The following LRRC4C variants were observed in gnomAD, a reference collection of about 807,000 sequenced individuals.
The protein encoded by LRRC4C is leucine rich repeat containing 4C.
Under a neutral mutation model 33.6 loss-of-function variants are expected in LRRC4C, and 5 were observed. The observed-to-expected ratio is 0.15, with a 90% confidence interval of 0.08 to 0.31. The LOEUF is 0.31. LRRC4C is among the 10% of genes least tolerant of loss of function. The pLI is 1.00. For missense variants in LRRC4C, 560 were observed against 796.7 expected (o/e 0.70, Z 3.58); for synonymous variants, 329 against 302.0 (o/e 1.09, Z -0.93).
chr11:40,658,241 A>AC (rs1943236491), intron 2 of LRRC4C, among the ~76,000 whole-genome samples: 1 of 152,178 alleles, frequency 6.6e-6, no homozygotes, highest in South Asian at 2.1e-4. Flanking sequence ...AATTTAGAAC[A>AC]CCTGCCCTTG....
chr11:41,043,000 GT>G (rs57509349), intron 1 of LRRC4C, among the ~76,000 whole-genome samples: 12,748 of 58,280 alleles, frequency 0.22, 622 homozygotes, highest in Non-Finnish European at 0.26. Flanking sequence ...CACCTGTTTT[GT>G]TTTTTTTTTT....
intron 1 of LRRC4C, among the ~76,000 whole-genome samples, chr11:40,952,880 ACACACACACACACACACTCTCT>A (rs1331294074): frequency 1.6e-4 from 18 of 110,956 alleles, no homozygotes; most frequent in Admixed American, 4.8e-4. Flanking sequence ...ACACACACAC[ACACACACACACACACACTCTCT>A]CTCTCTCTCT....
intron 2 of LRRC4C, among the ~76,000 whole-genome samples, chr11:40,774,061 T>C (rs1949874921): frequency 6.6e-6 from 1 of 152,140 alleles, no homozygotes; most frequent in Non-Finnish European, 1.5e-5. Context: ...TTGTGTCAAT[T>C]GATCCATGGG....
At chr11:41,356,852 CA>C (rs2137627626) in intron 1 of LRRC4C, among the ~76,000 whole-genome samples, 1 of 152,090 alleles carries the variant, frequency 6.6e-6, no homozygotes, top group African/African-American at 2.4e-5. Context: ...AGTGTTATGC[CA>C]TTAGAATGAT....
rs545412578 is a variant in LRRC4C, at chr11:41,022,228, T to C, written c.-495-88505A>G. Among the ~76,000 whole-genome samples, 4 of 150,670 alleles carry C rather than the reference T, an allele frequency of 2.7e-5. No individual in the cohort carries two copies. The East Asian group carries it at 5.8e-4, about 22-fold the overall frequency. ...TACAGAACATATAAGTGTATATATA[T>C]GATCAGAACATGTAGAAGGAAACTA... On this transcript the variant is annotated intron_variant, in intron 1 of 6. Coordinates refer to ENST00000528697, the MANE Select transcript of LRRC4C (RefSeq NM_001258419.2).
At chr11:40,205,909 G>A (rs560920149) in intron 5 of LRRC4C, among the ~76,000 whole-genome samples, 21 of 152,256 alleles carry the variant, frequency 1.4e-4, no homozygotes, top group Middle Eastern at 3.4e-3. Flanking sequence ...TATTACTTGA[G>A]CAATCTCTGT....
At chr11:40,833,443 T>G (rs574694498) in intron 2 of LRRC4C, among the ~76,000 whole-genome samples, 1 of 152,144 alleles carries the variant, frequency 6.6e-6, no homozygotes, top group Non-Finnish European at 1.5e-5. Flanking sequence ...TATTGTCATT[T>G]TGAGTTGAAA....
At chr11:41,003,812 A>T (rs918268993) in intron 1 of LRRC4C, among the ~76,000 whole-genome samples, 7 of 151,994 alleles carry the variant, frequency 4.6e-5, no homozygotes, top group Non-Finnish European at 8.8e-5. Flanking sequence ...AAGACCAAGC[A>T]GGTCTGCCTG....
intron 3 of LRRC4C, among the ~76,000 whole-genome samples, chr11:40,584,206 G>T (rs1284558364): frequency 2.8e-4 from 12 of 42,846 alleles, no homozygotes; most frequent in East Asian, 3.2e-3. Flanking sequence ...ATATATATAT[G>T]AACTCTTTGT....
chr11:40,819,841 A>T (rs1467012113), intron 2 of LRRC4C, among the ~76,000 whole-genome samples: 1 of 152,068 alleles, frequency 6.6e-6, no homozygotes, highest in Non-Finnish European at 1.5e-5. Flanking sequence ...TTATTAACGT[A>T]CTCAAGATAC....
chr11:40,933,522 C>T (rs1358178487), intron 2 of LRRC4C, 113 bp downstream of exon 2: 3 of 152,222 alleles, frequency 2.0e-5, no homozygotes, highest in African/African-American at 7.2e-5. Flanking sequence ...GCTTATTTGG[C>T]CACTCTCTCA....
At chr11:40,718,769 A>G (rs964171966) in intron 2 of LRRC4C, among the ~76,000 whole-genome samples, 3 of 152,226 alleles carry the variant, frequency 2.0e-5, no homozygotes, top group African/African-American at 4.8e-5. Flanking sequence ...TGTAGGTATT[A>G]GTCAACATGG....
intron 1 of LRRC4C, among the ~76,000 whole-genome samples, chr11:41,390,361 TGC>T (rs1287596490): frequency 3.3e-5 from 5 of 151,970 alleles, no homozygotes; most frequent in Admixed American, 1.3e-4. Flanking sequence ...TGTGCCAGTG[TGC>T]CAATGTGAGA....
chr11:41,274,292 C>T (rs1949410860), intron 1 of LRRC4C, among the ~76,000 whole-genome samples: 1 of 152,022 alleles, frequency 6.6e-6, no homozygotes, highest in African/African-American at 2.4e-5. Flanking sequence ...ACTGACTAAC[C>T]TTTTAGAAGG....
chr11:40,116,221 G>T lies in LRRC4C; in HGVS notation c.72C>A (p.Asp24Glu). The T allele has an allele frequency of 6.2e-7, 1 of 1,614,064 alleles. No individual in the cohort carries two copies. The highest frequency in any genetic ancestry group is 8.5e-7 in the Non-Finnish European group (1 of 1,180,014). Reference sequence around the variant, plus strand: ...GAGCCAGCAGCACCACAAGCAGGGGGTCAAATAGGGCCCTGTTAAACCTAG... The same window carrying T: ...GAGCCAGCAGCACCACAAGCAGGGGTTCAAATAGGGCCCTGTTAAACCTAG... ...IGPRFNRALF[D>E]PLLVVLLALQ... Residue 24 changes from aspartate to glutamate, a missense_variant, in exon 7 of 7, where the codon GAC becomes GAA. Around this residue, in one of 3 missense-constraint regions of LRRC4C, gnomAD observed 455 missense variants for 643.8 expected, o/e 0.71. Coordinates refer to ENST00000528697, the MANE Select transcript of LRRC4C (RefSeq NM_001258419.2).
chr11:40,354,673 A>C (rs1402603205), intron 3 of LRRC4C, among the ~76,000 whole-genome samples: 1 of 152,034 alleles, frequency 6.6e-6, no homozygotes, highest in Non-Finnish European at 1.5e-5. Flanking sequence ...CCAAGGCCCA[A>C]GGGCTCTTTA....
intron 2 of LRRC4C, among the ~76,000 whole-genome samples, chr11:40,869,863 GC>G (rs148274027): frequency 0.01 from 1,568 of 152,288 alleles, 12 homozygotes; most frequent in Non-Finnish European, 0.014. Flanking sequence ...CTGCTCTGAA[GC>G]TTTTTAATAA....
At chr11:41,306,236 A>G (rs926109492) in intron 1 of LRRC4C, among the ~76,000 whole-genome samples, 2 of 152,220 alleles carry the variant, frequency 1.3e-5, no homozygotes, top group African/African-American at 4.8e-5. Context: ...CTTTTATAAC[A>G]TACAACGATT....
intron 2 of LRRC4C, among the ~76,000 whole-genome samples, chr11:40,866,875 C>T (rs560752121): frequency 6.6e-6 from 1 of 152,090 alleles, no homozygotes. Context: ...GCCTCACAGA[C>T]CATTTTGCAT....
Sources: gnomAD v4.1 joint callset for allele counts (sites outside exome capture counted in the v4.1 genomes callset) on GRCh38, gnomAD v4.1.1 for gene constraint, gnomAD v4.1.1 regional missense constraint, MANE v1.5 for transcripts, NCBI Gene and HGNC (gene_info 2026-07-23, HGNC 2026-07-21) for gene names.